CALN1: variants seen among roughly 807,000 people sequenced by gnomAD.
CALN1 encodes the protein calcium-binding protein 8.
Under a neutral mutation model 30.6 loss-of-function variants are expected in CALN1, and 17 were observed. That is an observed-to-expected ratio of 0.56 (90% CI 0.38 to 0.83). The LOEUF is 0.83. Among genes scored for constraint, CALN1 ranks in the 40% least tolerant of loss-of-function variants. The pLI is 0.00. For synonymous variants in CALN1, 156 were observed against 131.4 expected (o/e 1.19, Z -1.28); for missense variants, 291 against 354.9 (o/e 0.82, Z 1.45).
intron 6 of CALN1, among the ~76,000 whole-genome samples, chr7:71,803,080 G>A (rs1027967306): frequency 3.3e-5 from 5 of 152,042 alleles, no homozygotes; most frequent in African/African-American, 1.2e-4. Flanking sequence ...TCATAATTAC[G>A]GGATTCAGAG....
Position 72,009,721 on chromosome 7 carries a change from T to C in CALN1, c.501+13936A>G, listed in dbSNP as rs1342046516. Among the ~76,000 whole-genome samples the C allele has an allele frequency of 6.6e-5, 10 of 152,312 alleles. No individual in the cohort carries two copies. The East Asian group carries it at 1.7e-3, about 26-fold the overall frequency. Reference sequence around the variant, plus strand: ...TGTTCTCATGATAGTGAACAAGTCTTACAAGATCTGATGGTTTTATAACGG... The same window carrying C: ...TGTTCTCATGATAGTGAACAAGTCTCACAAGATCTGATGGTTTTATAACGG... On this transcript the variant is annotated intron_variant, in intron 5 of 6. Transcript: ENST00000395275.
At chr7:72,001,463 G>A (rs1799524410) in intron 5 of CALN1, among the ~76,000 whole-genome samples, 1 of 152,200 alleles carries the variant, frequency 6.6e-6, no homozygotes, top group Non-Finnish European at 1.5e-5. Context: ...ATACACATGT[G>A]GCCTCTCCTA....
In CALN1 at chr7:71,933,662, C is replaced by A. The variant is rs532595201; in HGVS notation, c.501+89995G>T. On this transcript the variant is annotated intron_variant, in intron 5 of 6. Coordinates refer to ENST00000395275, the MANE Select transcript of CALN1 (RefSeq NM_031468.4). ...TCACCTCTGAATCCTTGGTGCCAGGCAGTCAGTAGAAGCTTAACGAAATGT... is the reference window on the plus strand; with the variant it reads ...TCACCTCTGAATCCTTGGTGCCAGGAAGTCAGTAGAAGCTTAACGAAATGT... Among the ~76,000 whole-genome samples the A allele has an allele frequency of 3.9e-5, 6 of 152,298 alleles. No individual in the cohort carries two copies. In the South Asian group the frequency reaches 1.2e-3, roughly 32 times the overall value.
At chr7:72,035,667 A>G (rs1280046163) in intron 4 of CALN1, among the ~76,000 whole-genome samples, 1 of 152,118 alleles carries the variant, frequency 6.6e-6, no homozygotes. Flanking sequence ...TAATATACTA[A>G]AGTTATACAC....
intron 4 of CALN1, among the ~76,000 whole-genome samples, chr7:72,071,109 A>T (rs1156345408): frequency 1.3e-5 from 2 of 152,202 alleles, no homozygotes; most frequent in South Asian, 4.2e-4. Context: ...ATTGCAGTTA[A>T]TTTCCATCAA....
At chr7:72,499,905 C>G in the CALN1 span, among the ~76,000 whole-genome samples, 1 of 42,726 alleles carries the variant, frequency 2.3e-5, no homozygotes, top group South Asian at 5.7e-4. Context: ...TTCTTTCTTT[C>G]TTTCTTTCTA....
chr7:72,374,406 G>A (rs1804421272), intron 2 of CALN1, among the ~76,000 whole-genome samples: 1 of 151,848 alleles, frequency 6.6e-6, no homozygotes, highest in African/African-American at 2.4e-5. Context: ...GAGGGCGCCT[G>A]TAATCTCAGC....
At chr7:72,061,067 T>G (rs1411574925) in intron 4 of CALN1, among the ~76,000 whole-genome samples, 1 of 152,176 alleles carries the variant, frequency 6.6e-6, no homozygotes. Context: ...TTGCAAAGCC[T>G]TGGAAAACTG....
At chr7:72,251,333 C>G (rs1313852542) in intron 3 of CALN1, among the ~76,000 whole-genome samples, 56 of 152,110 alleles carry the variant, frequency 3.7e-4, no homozygotes, top group Admixed American at 3.7e-3. Context: ...CAGGGCCCAT[C>G]TCAAGTGCCT....
chr7:72,002,615 A>G (rs894456985), intron 5 of CALN1, among the ~76,000 whole-genome samples: 2 of 152,220 alleles, frequency 1.3e-5, no homozygotes, highest in African/African-American at 4.8e-5. Flanking sequence ...AATGGTCTTT[A>G]TTTGAAGATG....
At chr7:71,847,876 T>G (rs1790411646) in intron 5 of CALN1, among the ~76,000 whole-genome samples, 1 of 141,884 alleles carries the variant, frequency 7.0e-6, no homozygotes, top group Admixed American at 7.2e-5. Flanking sequence ...TTTTCCCTTT[T>G]TGCTCGGCTC....
intron 5 of CALN1, among the ~76,000 whole-genome samples, chr7:72,003,262 G>T (rs1799613564): frequency 6.6e-6 from 1 of 152,130 alleles, no homozygotes; most frequent in African/African-American, 2.4e-5. Context: ...AAATACTTAG[G>T]TATACCCTTG....
chr7:72,429,308 A>G (rs1235227880), intron 1 of CALN1, among the ~76,000 whole-genome samples: 1 of 152,210 alleles, frequency 6.6e-6, no homozygotes, highest in African/African-American at 2.4e-5. Context: ...GTCCCGTCAG[A>G]GCAGGACCTT....
chr7:72,133,717 G>T (rs1250300241), intron 3 of CALN1, among the ~76,000 whole-genome samples: 1 of 152,192 alleles, frequency 6.6e-6, no homozygotes, highest in African/African-American at 2.4e-5. Context: ...AAGTCAACAT[G>T]AACAGTAATG....
chr7:71,856,254 A>G (rs1339316786), intron 5 of CALN1, among the ~76,000 whole-genome samples: 1 of 151,872 alleles, frequency 6.6e-6, no homozygotes, highest in Non-Finnish European at 1.5e-5. Context: ...TGAGCTGTTC[A>G]TTCTGCAATC....
the CALN1 span, among the ~76,000 whole-genome samples, chr7:72,490,434 G>A: frequency 5.3e-5 from 8 of 152,200 alleles, no homozygotes; most frequent in Non-Finnish European, 8.8e-5. Context: ...TTTACCCACT[G>A]TGCTGCCGTG....
At chr7:71,927,532 A>AG (rs1396661336) in intron 5 of CALN1, among the ~76,000 whole-genome samples, 3 of 152,082 alleles carry the variant, frequency 2.0e-5, no homozygotes, top group Non-Finnish European at 4.4e-5. Context: ...AATGTAATCT[A>AG]GTTCTTTGGA....
chr7:71,932,150 C>A (rs895890718), intron 5 of CALN1, among the ~76,000 whole-genome samples: 1 of 152,152 alleles, frequency 6.6e-6, no homozygotes, highest in Admixed American at 6.5e-5. Flanking sequence ...AAACTAAGAC[C>A]TTCCAACAAT....
In CALN1 at chr7:71,787,856, G is replaced by A; in HGVS notation, c.705C>T (p.Leu235=). ...QNRQTCVRKS[L]ICAFAMAFII... is the part of the protein sequence containing the mutation. ...TGAAGGCCATAGCAAAGGCGCATAT[G>A]AGGCTCTTCCGGACGCAGGTCTGTC... The change falls in exon 7 of 7, where the codon CTC becomes CTT. Residue 235 remains leucine (L), a synonymous_variant. Coordinates refer to ENST00000395275, the MANE Select transcript of CALN1 (RefSeq NM_031468.4). The A allele has an allele frequency of 6.2e-7, 1 of 1,614,168 alleles. No homozygotes were observed. Among genetic ancestry groups the A allele is most frequent in the Non-Finnish European group, 8.5e-7 (1 of 1,180,034 alleles).
Sources: allele counts gnomAD v4.1 joint callset (sites outside exome capture counted in the v4.1 genomes callset), GRCh38; gene constraint gnomAD v4.1.1; transcripts MANE v1.5; gene names NCBI Gene and HGNC (gene_info 2026-07-23, HGNC 2026-07-21).